Variants in SLC9C1 observed in about 807,000 individuals in gnomAD.
SLC9C1 encodes the protein solute carrier family 9 member C1.
In SLC9C1, 97 loss-of-function variants were observed where a neutral mutation model predicts 140.9. That is an observed-to-expected ratio of 0.69 (90% CI 0.58 to 0.82). SLC9C1 has a LOEUF of 0.82. Ranked by LOEUF, SLC9C1 falls within the 40% of genes least tolerant of loss-of-function variation. SLC9C1 has a pLI of 0.00. For synonymous variants in SLC9C1, 440 were observed against 442.6 expected (o/e 0.99, Z 0.07); for missense variants, 1,340 against 1,389.3 (o/e 0.96, Z 0.56).
At chr3:112,195,338 A>C (rs182709997) in intron 20 of SLC9C1, among the ~76,000 whole-genome samples, 30 of 152,252 alleles carry the variant, frequency 2.0e-4, no homozygotes, top group Admixed American at 3.3e-4. Flanking sequence ...ATTCTTGTGC[A>C]TGTAGAGATC....
At chr3:112,199,730 A>G (rs2077859215) in intron 19 of SLC9C1, among the ~76,000 whole-genome samples, 1 of 152,012 alleles carries the variant, frequency 6.6e-6, no homozygotes, top group African/African-American at 2.4e-5. Flanking sequence ...TAGGATTAAC[A>G]GGTATACTTT....
At chr3:112,286,246 A>T (rs1278063563) in intron 2 of SLC9C1, among the ~76,000 whole-genome samples, 1 of 152,030 alleles carries the variant, frequency 6.6e-6, no homozygotes. Context: ...CTTCCATTTC[A>T]TTTTTTTCTG....
At chr3:112,231,591 G>C in intron 12 of SLC9C1, 105 bp from the exon 13 acceptor site, 1 of 1,093,534 alleles carries the variant, frequency 9.1e-7, no homozygotes, top group Non-Finnish European at 1.3e-6. Flanking sequence ...AAAAATGGTA[G>C]CAAATCTGGT....
At chr3:112,199,620 A>G (rs2077855514) in intron 19 of SLC9C1, 151 bp from the exon 20 acceptor site, 1 of 537,912 alleles carries the variant, frequency 1.9e-6, no homozygotes, top group Admixed American at 4.1e-5. Flanking sequence ...ACTATGATCA[A>G]TCATAATTCA....
chr3:112,247,752 C>A (rs1576440744), intron 10 of SLC9C1, among the ~76,000 whole-genome samples: 2 of 96,484 alleles, frequency 2.1e-5, no homozygotes, highest in Non-Finnish European at 4.8e-5. Flanking sequence ...AAATATTAAC[C>A]ATATACATTT....
At position 112,182,205 on chromosome 3, in the gene SLC9C1, A is replaced by G; in HGVS notation, c.2577T>C (p.Pro859=). The change falls in exon 21 of 29, where the codon CCT becomes CCC. Residue 859 remains proline (P), a synonymous_variant. Transcript: ENST00000305815. ...GATATAGAACTTCTTCAACAGTAAG[A>G]GGCCTGATAATAGATTGAGAATCAA... ...EVLDSQSIIR[P]LTVEEVLYHI... is the part of the protein sequence containing the mutation. 3.7e-6 allele frequency: 6 copies of G among 1,608,196 alleles called. No homozygotes were observed. Among genetic ancestry groups the G allele is most frequent in the Non-Finnish European group, 5.1e-6 (6 of 1,177,366 alleles).
At chr3:112,265,154 C>T (rs1053892767) in intron 8 of SLC9C1, among the ~76,000 whole-genome samples, 2 of 151,866 alleles carry the variant, frequency 1.3e-5, no homozygotes, top group African/African-American at 2.4e-5. Context: ...GAAATCACTT[C>T]GAGGTTCAGA....
chr3:112,232,337 G>A (rs17446744), intron 12 of SLC9C1, among the ~76,000 whole-genome samples: 48,802 of 152,000 alleles, frequency 0.32, 7,972 homozygotes, highest in Middle Eastern at 0.4. Context: ...TCTTCAGAGA[G>A]TAGGTGAAAA....
At chr3:112,256,586 T>C (rs1428095851) in intron 10 of SLC9C1, among the ~76,000 whole-genome samples, 1 of 152,126 alleles carries the variant, frequency 6.6e-6, no homozygotes, top group Non-Finnish European at 1.5e-5. Context: ...AAGAGCCCTT[T>C]ATGACAAACC....
chr3:112,158,551 ATTTC>A lies in SLC9C1; in HGVS notation c.3365-3506_3365-3503del, dbSNP rs1346430640. On this transcript the variant is annotated intron_variant, in intron 26 of 28. Transcript: ENST00000305815. The stretch of plus-strand genomic sequence containing the variant: ...GGCCTAGTAGAATAAATTTAAAAGT[ATTTC>A]TTTCTCTTCAATTTTTTGAAATAGT... 3.3e-5 allele frequency among the ~76,000 whole-genome samples: 5 copies of A among 151,992 alleles called. No homozygotes were observed. The South Asian group carries it at 1.0e-3, about 32-fold the overall frequency.
intron 9 of SLC9C1, among the ~76,000 whole-genome samples, 191 bp downstream of exon 9, chr3:112,264,007 TTA>T (rs912212936): frequency 1.3e-5 from 2 of 151,336 alleles, no homozygotes; most frequent in African/African-American, 4.8e-5. Context: ...TTAAAAAAAC[TTA>T]TAGAGTTTGC....
At chr3:112,173,181 GT>G (rs992139640) in intron 23 of SLC9C1, among the ~76,000 whole-genome samples, 2 of 152,096 alleles carry the variant, frequency 1.3e-5, no homozygotes, top group African/African-American at 4.8e-5. Flanking sequence ...GCATGGAGTT[GT>G]TTTTGTGGGA....
At chr3:112,161,840 A>T (rs1208721971) in intron 26 of SLC9C1, among the ~76,000 whole-genome samples, 2 of 150,342 alleles carry the variant, frequency 1.3e-5, no homozygotes, top group Non-Finnish European at 3.0e-5. Context: ...GATGGCATTG[A>T]ATCTGTAAAT....
At chr3:112,279,033 T>A in intron 3 of SLC9C1, 176 bp from the exon 4 acceptor site, 1 of 519,670 alleles carries the variant, frequency 1.9e-6, no homozygotes, top group Non-Finnish European at 3.2e-6. Context: ...CCATGGCTTA[T>A]GTAGAAGATA....
chr3:112,197,012 T>A (rs2108016393), intron 20 of SLC9C1, among the ~76,000 whole-genome samples: 1 of 152,192 alleles, frequency 6.6e-6, no homozygotes, highest in South Asian at 2.1e-4. Context: ...GAACTCAGAC[T>A]CTCCCTTTTT....
In SLC9C1 at chr3:112,231,438, A is replaced by G. The variant is rs1216248450; in HGVS notation, c.1495T>C (p.Cys499Arg). 3.1e-6 allele frequency: 5 copies of G among 1,613,108 alleles called. No homozygotes were observed. The South Asian group carries it at 5.5e-5, about 18-fold the overall frequency. The change falls in exon 13 of 29, where the codon TGT becomes CGT. Residue 499 changes from cysteine to arginine, a missense_variant. Coordinates refer to ENST00000305815, the MANE Select transcript of SLC9C1 (RefSeq NM_183061.3). ...TEHQKVKCPH[C>R]NKEIDEIFNT... ...AAGATCTCATCTATTTCCTTGTTAC[A>G]GTGTGGACATTTCACCTTCTGATGT...
intron 13 of SLC9C1, among the ~76,000 whole-genome samples, chr3:112,230,879 G>T (rs1333509664): frequency 6.6e-6 from 1 of 152,160 alleles, no homozygotes; most frequent in Admixed American, 6.5e-5. Flanking sequence ...ATATTTGAAT[G>T]AAAACATAAT....
chr3:112,142,980 G>T (rs757521993), intron 28 of SLC9C1, among the ~76,000 whole-genome samples: 39 of 152,142 alleles, frequency 2.6e-4, no homozygotes, highest in Non-Finnish European at 5.3e-4. Flanking sequence ...GTGAGAACAT[G>T]CAATATTTGG....
At chr3:112,288,557 G>C (rs1235263320) in intron 1 of SLC9C1, among the ~76,000 whole-genome samples, 3 of 152,184 alleles carry the variant, frequency 2.0e-5, no homozygotes, top group Non-Finnish European at 1.5e-5. Flanking sequence ...AGGAATTCAA[G>C]ACCAGGCTGG....
Sources: allele counts gnomAD v4.1 joint callset (sites outside exome capture counted in the v4.1 genomes callset), GRCh38; gene constraint gnomAD v4.1.1; transcripts MANE v1.5; gene names NCBI Gene and HGNC (gene_info 2026-07-23, HGNC 2026-07-21).